Variants in ABLIM1 observed in about 807,000 individuals in gnomAD.
The protein encoded by ABLIM1 is actin binding LIM protein 1, also known as actin-binding LIM protein 1.
Under a neutral mutation model 107.0 loss-of-function variants are expected in ABLIM1, and 40 were observed. The observed-to-expected ratio is 0.37, with a 90% CI of 0.29 to 0.49. The LOEUF is 0.49. Ranked by LOEUF, ABLIM1 falls within the 20% of genes least tolerant of loss-of-function variation. The pLI is 0.97. For synonymous variants in ABLIM1, 357 were observed against 357.3 expected (o/e 1.00, Z 0.01); for missense variants, 857 against 1,008.5 (o/e 0.85, Z 2.04).
chr10:114,669,631 G>C (rs1482802463), intron 1 of ABLIM1, among the ~76,000 whole-genome samples: 3 of 152,306 alleles, frequency 2.0e-5, no homozygotes, highest in Non-Finnish European at 2.9e-5. Flanking sequence ...GTATGAAACA[G>C]GAGAACAAAG....
chr10:114,758,989 C>T (rs746289223), intron 1 of ABLIM1, among the ~76,000 whole-genome samples: 2 of 152,122 alleles, frequency 1.3e-5, no homozygotes, highest in Non-Finnish European at 2.9e-5. Context: ...GCATGTTCAG[C>T]TCTTCCTCCT....
At chr10:114,571,435 G>A in intron 3 of ABLIM1, 29 bp from the exon 4 acceptor site, 1 of 1,596,414 alleles carries the variant, frequency 6.3e-7, no homozygotes, top group Non-Finnish European at 8.6e-7. Context: ...CGCCCTCAAG[G>A]TTATTGCAGC....
At chr10:114,445,469 C>A in intron 15 of ABLIM1, 66 bp from the exon 16 acceptor site, 4 of 1,355,854 alleles carry the variant, frequency 3.0e-6, no homozygotes, top group Non-Finnish European at 3.2e-6. Flanking sequence ...ACGGGCTAGT[C>A]CATCTGTGTT....
At chr10:114,459,291 A>T (rs2063407446) in intron 12 of ABLIM1, among the ~76,000 whole-genome samples, 1 of 152,262 alleles carries the variant, frequency 6.6e-6, no homozygotes, top group South Asian at 2.1e-4. Context: ...CTCAAGTTCC[A>T]AGACAAGCTC....
intron 1 of ABLIM1, among the ~76,000 whole-genome samples, chr10:114,668,090 T>A (rs1026022787): frequency 2.0e-4 from 29 of 146,176 alleles, no homozygotes; most frequent in African/African-American, 6.6e-4. Flanking sequence ...TCAGGTTGCA[T>A]GAAATTGAAA....
intron 1 of ABLIM1, among the ~76,000 whole-genome samples, chr10:114,607,978 G>C (rs1380462279): frequency 6.6e-6 from 1 of 152,192 alleles, no homozygotes; most frequent in Non-Finnish European, 1.5e-5. Context: ...AACGCAAAAT[G>C]TTACTAACAG....
intron 1 of ABLIM1, chr10:114,632,088 G>C (rs2078220879): frequency 1.0e-6 from 1 of 985,228 alleles, no homozygotes; most frequent in Non-Finnish European, 1.2e-6. Flanking sequence ...CCGCCTCGGC[G>C]GGCCCCGCTC....
At chr10:114,531,826 G>A (rs1443936385) in intron 6 of ABLIM1, among the ~76,000 whole-genome samples, 4 of 151,742 alleles carry the variant, frequency 2.6e-5, no homozygotes, top group Non-Finnish European at 5.9e-5. Context: ...AGATTATTTA[G>A]CTTTAAGTGT....
rs1471297771 is a variant in ABLIM1 at position 114,707,841 on chromosome 10, C to T, written c.-213+60220G>A. Among the ~76,000 whole-genome samples, 1 of 152,080 alleles carries T rather than the reference C, an allele frequency of 6.6e-6. No homozygotes were observed. Among genetic ancestry groups the T allele is most frequent in the African/African-American group, 2.4e-5 (1 of 41,422 alleles). On this transcript the variant is annotated intron_variant, in intron 1 of 15. Coordinates refer to the ABLIM1 transcript ENST00000651092. The surrounding 1 kb of genome is among the most constrained non-coding windows in gnomAD (Gnocchi z 4.1). ...ACTTGAACATGGGAGACAGAGGTTG[C>T]AGTGAGCGGAGATTGCACCATTGCA...
intron 1 of ABLIM1, among the ~76,000 whole-genome samples, chr10:114,729,019 C>T (rs978304293): frequency 6.6e-6 from 1 of 152,094 alleles, no homozygotes; most frequent in East Asian, 1.9e-4. Flanking sequence ...TAAGCAGGCA[C>T]CTTTCTAGGT....
At chr10:114,451,853 T>C (rs527543494) in intron 13 of ABLIM1, among the ~76,000 whole-genome samples, 182 bp from the exon 14 acceptor site, 2 of 152,320 alleles carry the variant, frequency 1.3e-5, no homozygotes, top group East Asian at 3.9e-4. Flanking sequence ...TGGCTTACTA[T>C]AGACAAGTGT....
At chr10:114,644,870 C>T (rs2497694) in intron 1 of ABLIM1, among the ~76,000 whole-genome samples, 6,618 of 152,218 alleles carry the variant, frequency 0.043, 424 homozygotes, top group African/African-American at 0.14. Flanking sequence ...GGAAGCCAGA[C>T]GGGCGGGAAG....
At chr10:114,621,126 C>T (rs979828264) in intron 1 of ABLIM1, among the ~76,000 whole-genome samples, 3 of 152,218 alleles carry the variant, frequency 2.0e-5, no homozygotes, top group Non-Finnish European at 4.4e-5. Context: ...CCACTTGAGT[C>T]CCTTTCTCGC....
Position 114,612,474 on chromosome 10 carries a change from G to C in ABLIM1, c.245-10513C>G, listed in dbSNP as rs1475615054. Reference sequence around the variant, plus strand: ...ATATTCTGTTCTAGCAACACAAAATGGACTAAGACAGAGCCCCCACAGCCT... The same window carrying C: ...ATATTCTGTTCTAGCAACACAAAATCGACTAAGACAGAGCCCCCACAGCCT... On this transcript the variant is annotated intron_variant, in intron 1 of 22. Transcript: ENST00000533213. 5.9e-5 allele frequency among the ~76,000 whole-genome samples: 9 copies of C among 152,242 alleles called. No individual in the cohort carries two copies. The East Asian group carries it at 1.7e-3, about 29-fold the overall frequency.
chr10:114,753,436 T>C (rs915048199), intron 1 of ABLIM1, among the ~76,000 whole-genome samples: 1 of 152,202 alleles, frequency 6.6e-6, no homozygotes, highest in African/African-American at 2.4e-5. Context: ...GCATTGTCTA[T>C]AAAAACAAAT....
At chr10:114,576,717 C>T (rs923742997) in intron 2 of ABLIM1, among the ~76,000 whole-genome samples, 1 of 152,168 alleles carries the variant, frequency 6.6e-6, no homozygotes, top group Non-Finnish European at 1.5e-5. Context: ...CTACGGAAGA[C>T]GTTCAAGGTG....
At chr10:114,725,907 A>G (rs2081949532) in intron 1 of ABLIM1, among the ~76,000 whole-genome samples, 1 of 151,864 alleles carries the variant, frequency 6.6e-6, no homozygotes, top group African/African-American at 2.4e-5. Context: ...CACCATGCAC[A>G]GCTAATTGTT....
chr10:114,525,360 G>A lies in ABLIM1; in HGVS notation c.894+19645C>T, dbSNP rs1007767219. Among the ~76,000 whole-genome samples the A allele has an allele frequency of 3.3e-5, 5 of 152,318 alleles. No individual in the cohort carries two copies. The South Asian group carries it at 8.3e-4, about 25-fold the overall frequency. On this transcript the variant is annotated intron_variant, in intron 6 of 22. Coordinates refer to ENST00000533213, the MANE Select transcript of ABLIM1 (RefSeq NM_002313.7). Reference sequence around the variant, plus strand: ...AGAGAAAAATCTGCAGGCTTCTGTTGTCAGGATATAATATTCCCTGAGCTT... The same window carrying A: ...AGAGAAAAATCTGCAGGCTTCTGTTATCAGGATATAATATTCCCTGAGCTT...
chr10:114,603,728 C>T (rs1179439513), intron 1 of ABLIM1, among the ~76,000 whole-genome samples: 4 of 151,538 alleles, frequency 2.6e-5, no homozygotes, highest in African/African-American at 7.3e-5. Context: ...CCGAGGTGGG[C>T]GGATCACCTG....
Sources: gnomAD v4.1 joint callset for allele counts (sites outside exome capture counted in the v4.1 genomes callset) on GRCh38, gnomAD v4.1.1 for gene constraint, Gnocchi (gnomAD v3.1) non-coding constraint, MANE v1.5 for transcripts, NCBI Gene and HGNC (gene_info 2026-07-23, HGNC 2026-07-21) for gene names.